The following CACNA1H variants were observed in gnomAD, a reference collection of about 807,000 sequenced individuals.
CACNA1H encodes calcium voltage-gated channel subunit alpha1 H.
In CACNA1H, 149 loss-of-function variants were observed where a neutral mutation model predicts 192.5. The ratio of observed to expected loss-of-function variants is 0.77; its 90% CI spans 0.68 to 0.89. CACNA1H has a LOEUF of 0.89. Among genes scored for constraint, CACNA1H ranks in the 40% least tolerant of loss-of-function variants. The pLI is 0.00. For synonymous variants in CACNA1H, 2,202 were observed against 1,475.2 expected (o/e 1.49, Z -11.29); for missense variants, 4,257 against 3,423.5 (o/e 1.24, Z -6.08).
intron 2 of CACNA1H, among the ~76,000 whole-genome samples, chr16:1,177,037 C>T (rs755680278): frequency 6.6e-6 from 1 of 152,164 alleles, no homozygotes; most frequent in Non-Finnish European, 1.5e-5. Flanking sequence ...AGGAGCTTCC[C>T]CCAGGCCCTC....
rs555282047 is a variant in CACNA1H, at chr16:1,210,659, G to T, written c.4038+8G>T. On this transcript the variant is annotated splice_region_variant and intron_variant, in intron 20 of 34. Transcript: ENST00000348261. Reference sequence around the variant, plus strand: ...GCGGAGATGATGGTGAAGGTACCGCGGGGCCCGGGGACTGCCCTTGTTCCC... The same window carrying T: ...GCGGAGATGATGGTGAAGGTACCGCTGGGCCCGGGGACTGCCCTTGTTCCC... 1 of 1,600,924 alleles carries T rather than the reference G, an allele frequency of 6.2e-7. No individual in the cohort carries two copies. Among genetic ancestry groups the T allele is most frequent in the South Asian group, 1.1e-5 (1 of 90,916 alleles).
At chr16:1,195,626 A>T in intron 4 of CACNA1H, 61 bp downstream of exon 4, 7 of 1,518,114 alleles carry the variant, frequency 4.6e-6, no homozygotes, top group Non-Finnish European at 6.2e-6. Flanking sequence ...CCCCACAGGG[A>T]TCCCTGTGTC....
chr16:1,215,688 C>T (rs916866507), intron 30 of CACNA1H, 95 bp downstream of exon 30: 3 of 988,186 alleles, frequency 3.0e-6, no homozygotes, highest in African/African-American at 3.2e-5. Flanking sequence ...ACTCGTTTCT[C>T]TGGTCCCTCG....
chr16:1,202,590 C>T (rs1393920175), intron 9 of CACNA1H, 138 bp downstream of exon 9: 11 of 781,506 alleles, frequency 1.4e-5, no homozygotes, highest in East Asian at 2.9e-5. Flanking sequence ...ACCAGCTATG[C>T]CTCTGGAGCC....
chr16:1,183,994 C>T (rs369799080), intron 2 of CACNA1H, among the ~76,000 whole-genome samples: 10 of 152,328 alleles, frequency 6.6e-5, no homozygotes, highest in East Asian at 5.8e-4. Flanking sequence ...GTGGCTGCCC[C>T]GGTGCTTCAT....
At chr16:1,164,732 A>G (rs1430307756) in intron 2 of CACNA1H, among the ~76,000 whole-genome samples, 3 of 151,542 alleles carry the variant, frequency 2.0e-5, no homozygotes, top group Non-Finnish European at 2.9e-5. Context: ...AGCCCCGCAG[A>G]GGGGCCTCCT....
chr16:1,187,750 C>T (rs965423764), intron 2 of CACNA1H, among the ~76,000 whole-genome samples: 4 of 152,208 alleles, frequency 2.6e-5, no homozygotes, highest in African/African-American at 7.2e-5. Context: ...TGGAGACGTC[C>T]ATCCCTTCGC....
chr16:1,211,426 G>T (rs368461019), intron 22 of CACNA1H, 55 bp from the exon 23 acceptor site: 9 of 1,610,158 alleles, frequency 5.6e-6, no homozygotes, highest in African/African-American at 5.3e-5. Context: ...CAGGAAGTCC[G>T]GTGTGGGGTG....
chr16:1,183,566 C>T lies in CACNA1H; in HGVS notation c.300-11406C>T, dbSNP rs546488812. 9.5e-4 allele frequency among the ~76,000 whole-genome samples: 145 copies of T among 152,368 alleles called. 1 individual carries two copies. The highest frequency in any genetic ancestry group is 3.4e-3 in the African/African-American group (143 of 41,600). ...CTCCCCCTTCCCACCCAGTTCCCTC[C>T]CGCTAAGAGGCCCCGCTGGAGAACA... On this transcript the variant is annotated intron_variant, in intron 2 of 34. Coordinates refer to ENST00000348261, the MANE Select transcript of CACNA1H (RefSeq NM_021098.3).
intron 32 of CACNA1H, 72 bp from the exon 33 acceptor site, chr16:1,218,138 A>G: frequency 1.3e-6 from 2 of 1,532,924 alleles, no homozygotes; most frequent in Non-Finnish European, 1.8e-6. Flanking sequence ...GGCAGGGGGA[A>G]GGGGACGGCA....
At chr16:1,158,721 G>A (rs189617385) in intron 2 of CACNA1H, among the ~76,000 whole-genome samples, 10 of 152,272 alleles carry the variant, frequency 6.6e-5, no homozygotes, top group South Asian at 4.1e-4. Flanking sequence ...CGGGGCTGCC[G>A]GGCATGTGAC....
In CACNA1H at chr16:1,198,741, G is replaced by A. The variant is rs758283392; in HGVS notation, c.770G>A (p.Arg257Gln). Reference protein sequence around the residue: ...VGVQLWAGLLRNRCFLDSAFV... With the variant: ...VGVQLWAGLLQNRCFLDSAFV... ...GTCCAGCTCTGGGCTGGCCTCCTGC[G>A]GAACCGCTGCTTCCTGGACAGTGCC... The change falls in exon 6 of 35, where the codon CGG (arginine) becomes CAG (glutamine). Residue 257 changes from arginine to glutamine, a missense_variant. Arg to Gln is a conservative substitution (Grantham distance 43). Coordinates refer to ENST00000348261, the MANE Select transcript of CACNA1H (RefSeq NM_021098.3). 6 of 1,612,714 alleles carry A rather than the reference G, an allele frequency of 3.7e-6. No homozygotes were observed. Among genetic ancestry groups the A allele is most frequent in the African/African-American group, 1.3e-5 (1 of 74,990 alleles).
At position 1,210,819 on chromosome 16, in the gene CACNA1H, C is replaced by T. The variant is rs763335539; in HGVS notation, c.4071C>T (p.His1357=). ...CCCTGGGGCTGCTGTCCGGCGAGCA[C>T]GCCTACCTGCAGAGCAGCTGGAACC... ...VVALGLLSGE[H]AYLQSSWNLL... The change falls in exon 21 of 35, where the codon CAC becomes CAT. Residue 1357 remains histidine (H), a synonymous_variant. Coordinates refer to ENST00000348261, the MANE Select transcript of CACNA1H (RefSeq NM_021098.3). 25 of 1,603,170 alleles carry T rather than the reference C, an allele frequency of 1.6e-5. No individual in the cohort carries two copies. Among genetic ancestry groups the T allele is most frequent in the Middle Eastern group, 1.7e-4 (1 of 6,002 alleles).
Position 1,209,186 on chromosome 16 carries a change from G to A in CACNA1H, c.3518G>A (p.Gly1173Asp), listed in dbSNP as rs765508264. Residue 1173 changes from glycine (G) to aspartate (D), a missense_variant, in exon 17 of 35, where the codon GGC becomes GAC. Gly to Asp is a moderately conservative substitution (Grantham distance 94, BLOSUM62 -1). Transcript: ENST00000348261. ...RESLLSGEGKGSTDDEAEDGR... is the reference protein window; with the variant it reads ...RESLLSGEGKDSTDDEAEDGR... ...TCCCTGCTGTCTGGCGAGGGCAAGG[G>A]CAGCACCGACGACGAAGCTGAGGAC... 33 of 1,552,926 alleles carry A rather than the reference G, an allele frequency of 2.1e-5. 1 individual carries two copies. In the South Asian group the frequency reaches 3.6e-4, roughly 17 times the overall value.
Position 1,220,775 on chromosome 16 carries a change from C to G in CACNA1H, c.6843C>G (p.Phe2281Leu), listed in dbSNP as rs1970423999. 6.2e-7 allele frequency: 1 copy of G among 1,612,666 alleles called. No individual in the cohort carries two copies. Among genetic ancestry groups the G allele is most frequent in the East Asian group, 2.2e-5 (1 of 44,856 alleles). ...LDLGVPSGDP[F>L]LDGSHSVTPE... The stretch of plus-strand genomic sequence containing the variant: ...TCGGGGTCCCCAGTGGAGACCCTTT[C>G]TTGGACGGTAGCCACAGTGTGACCC... Residue 2281 changes from phenylalanine to leucine, a missense_variant, in exon 35 of 35, where the codon TTC (phenylalanine) becomes TTG (leucine). Phe to Leu is a conservative substitution (Grantham distance 22). Coordinates refer to ENST00000348261, the MANE Select transcript of CACNA1H (RefSeq NM_021098.3).
Position 1,202,323 on chromosome 16 carries a change from A to G in CACNA1H, c.1873A>G (p.Lys625Glu). The change falls in exon 9 of 35, where the codon AAA becomes GAA. Residue 625 changes from lysine (K) to glutamate (E), a missense_variant. Lys to Glu is a moderately conservative substitution (Grantham distance 56). Coordinates refer to ENST00000348261, the MANE Select transcript of CACNA1H (RefSeq NM_021098.3). The part of the protein sequence containing the change: ...TILPSGVGSG[K>E]GSTSPGPKGK... ...CCTGCCCTCAGGGGTGGGCAGCGGCAAAGGCAGCACCAGCCCCGGACCCAA... is the reference window on the plus strand; with the variant it reads ...CCTGCCCTCAGGGGTGGGCAGCGGCGAAGGCAGCACCAGCCCCGGACCCAA... 1 of 1,581,872 alleles carries G rather than the reference A, an allele frequency of 6.3e-7. No homozygotes were observed. The highest frequency in any genetic ancestry group is 8.6e-7 in the Non-Finnish European group (1 of 1,166,264).
Position 1,200,244 on chromosome 16 carries a change from G to A in CACNA1H, c.804-12G>A. The A allele has an allele frequency of 3.2e-6, 5 of 1,586,414 alleles. No homozygotes were observed. The highest frequency in any genetic ancestry group is 4.3e-6 in the Non-Finnish European group (5 of 1,165,362). Reference sequence around the variant, plus strand: ...GATTGTACCTTTTGGCCCTGGCTGTGCCCATCCCCAGGAACAACAACCTGA... The same window carrying A: ...GATTGTACCTTTTGGCCCTGGCTGTACCCATCCCCAGGAACAACAACCTGA... On this transcript the variant is annotated splice_polypyrimidine_tract_variant and intron_variant, in intron 6 of 34. Coordinates refer to ENST00000348261, the MANE Select transcript of CACNA1H (RefSeq NM_021098.3).
At chr16:1,217,649 A>G (rs1970138989) in intron 31 of CACNA1H, among the ~76,000 whole-genome samples, 1 of 152,150 alleles carries the variant, frequency 6.6e-6, no homozygotes, top group Admixed American at 6.5e-5. Flanking sequence ...GCGCAGTCAC[A>G]GACACACACA....
At chr16:1,156,479 G>A (rs558392861) in intron 2 of CACNA1H, among the ~76,000 whole-genome samples, 5 of 152,352 alleles carry the variant, frequency 3.3e-5, no homozygotes, top group African/African-American at 1.2e-4. Context: ...CCATGGCTGA[G>A]GCTTTCCAGA....
Sources: allele counts gnomAD v4.1 joint callset (sites outside exome capture counted in the v4.1 genomes callset), GRCh38; gene constraint gnomAD v4.1.1; transcripts MANE v1.5; gene names NCBI Gene and HGNC (gene_info 2026-07-23, HGNC 2026-07-21).